Variants in LRRFIP1 observed in about 807,000 individuals in gnomAD.
LRRFIP1 encodes the protein leucine-rich repeat flightless-interacting protein 1.
A neutral mutation model predicts 104.4 loss-of-function variants in LRRFIP1; 62 were observed. The ratio of observed to expected loss-of-function variants is 0.59; its 90% CI spans 0.48 to 0.73. The LOEUF (loss-of-function observed/expected upper bound fraction) is 0.73, where lower values mean the gene tolerates loss of function less well. Ranked by LOEUF, LRRFIP1 falls within the 30% of genes least tolerant of loss-of-function variation. LRRFIP1 has a pLI of 0.00. For synonymous variants in LRRFIP1, 300 were observed against 299.0 expected (o/e 1.00, Z -0.03); for missense variants, 796 against 824.5 (o/e 0.97, Z 0.42).
At chr2:237,663,173 C>A (rs940663212) in intron 1 of LRRFIP1, among the ~76,000 whole-genome samples, 1 of 152,086 alleles carries the variant, frequency 6.6e-6, no homozygotes, top group African/African-American at 2.4e-5. Flanking sequence ...CTTTAGGGCT[C>A]GCCTGCCCTG....
chr2:237,734,947 G>A (rs10200187), intron 9 of LRRFIP1, among the ~76,000 whole-genome samples: 2,355 of 152,252 alleles, frequency 0.015, 63 homozygotes, highest in African/African-American at 0.053. Flanking sequence ...CAGGATGTTC[G>A]AATTATCTGC....
chr2:237,680,134 TG>T (rs2091643016), intron 1 of LRRFIP1, among the ~76,000 whole-genome samples: 1 of 152,194 alleles, frequency 6.6e-6, no homozygotes, highest in Non-Finnish European at 1.5e-5. Context: ...TTTGTGTCTG[TG>T]GGTTCCACAT....
intron 1 of LRRFIP1, among the ~76,000 whole-genome samples, chr2:237,646,041 G>T (rs2084861379): frequency 6.6e-6 from 1 of 151,894 alleles, no homozygotes; most frequent in Non-Finnish European, 1.5e-5. Flanking sequence ...AGAGCCCGTG[G>T]TAGCAGCAGC....
Position 237,708,647 on chromosome 2 carries a change from C to T in LRRFIP1, c.183+17C>T. 1.3e-6 allele frequency: 2 copies of T among 1,583,556 alleles called. No homozygotes were observed. Among genetic ancestry groups the T allele is most frequent in the Non-Finnish European group, 1.7e-6 (2 of 1,163,116 alleles). On this transcript the variant is annotated intron_variant, in intron 2 of 23. Coordinates refer to ENST00000308482, the MANE Select transcript of LRRFIP1 (RefSeq NM_001137550.2). ...CAGAAGGAGGTAACGCTTGGGGCTCCTTGTTGGGTCTTTTCACAGTGATTT... is the reference window on the plus strand; with the variant it reads ...CAGAAGGAGGTAACGCTTGGGGCTCTTTGTTGGGTCTTTTCACAGTGATTT...
At chr2:237,778,312 C>T (rs925165819) in intron 23 of LRRFIP1, among the ~76,000 whole-genome samples, 5 of 152,192 alleles carry the variant, frequency 3.3e-5, no homozygotes, top group South Asian at 2.1e-4. Context: ...TGTTTTGGGT[C>T]GAAAGCAGAG....
At chr2:237,710,122 A>G (rs2093999337) in intron 2 of LRRFIP1, among the ~76,000 whole-genome samples, 1 of 151,998 alleles carries the variant, frequency 6.6e-6, no homozygotes. Context: ...TGGCCTCCCA[A>G]AGTGCTAGGA....
chr2:237,741,222 A>G (rs2095407182), intron 11 of LRRFIP1, among the ~76,000 whole-genome samples: 1 of 152,224 alleles, frequency 6.6e-6, no homozygotes, highest in South Asian at 2.1e-4. Context: ...ACAGGAAGAT[A>G]CTCAGCTGTT....
At chr2:237,652,041 T>C (rs1318308039) in intron 1 of LRRFIP1, among the ~76,000 whole-genome samples, 1 of 152,226 alleles carries the variant, frequency 6.6e-6, no homozygotes, top group Non-Finnish European at 1.5e-5. Flanking sequence ...TGGGAGGCCC[T>C]CAGTGGTCGT....
intron 1 of LRRFIP1, among the ~76,000 whole-genome samples, chr2:237,655,151 C>A (rs1181886562): frequency 3.4e-5 from 2 of 58,670 alleles, no homozygotes; most frequent in Non-Finnish European, 7.3e-5. Flanking sequence ...CGCTCTGTCG[C>A]CCAGGCTGGA....
chr2:237,714,174 A>G, intron 2 of LRRFIP1, 85 bp from the exon 3 acceptor site: 1 of 883,038 alleles, frequency 1.1e-6, no homozygotes, highest in African/African-American at 1.7e-5. Flanking sequence ...TCATATGTCT[A>G]GTTACTTACA....
At chr2:237,728,477 T>C (rs1267737635) in intron 8 of LRRFIP1, among the ~76,000 whole-genome samples, 1 of 145,906 alleles carries the variant, frequency 6.9e-6, no homozygotes, top group East Asian at 2.0e-4. Flanking sequence ...AGGGTGCTGC[T>C]CTAGGGGGAG....
intron 1 of LRRFIP1, among the ~76,000 whole-genome samples, chr2:237,695,549 C>G (rs2093119182): frequency 6.6e-6 from 1 of 152,216 alleles, no homozygotes; most frequent in Non-Finnish European, 1.5e-5. Context: ...TTGTTTATGA[C>G]TGGTTACTCA....
intron 14 of LRRFIP1, among the ~76,000 whole-genome samples, chr2:237,752,802 AC>A (rs1262262031): frequency 6.6e-6 from 1 of 152,212 alleles, no homozygotes; most frequent in Non-Finnish European, 1.5e-5. Flanking sequence ...ATCTGAACTC[AC>A]TACTGCTCCT....
chr2:237,734,562 G>C (rs568876248), intron 9 of LRRFIP1, among the ~76,000 whole-genome samples: 1 of 152,286 alleles, frequency 6.6e-6, no homozygotes, highest in East Asian at 1.9e-4. Context: ...TTACAGGCAT[G>C]AGCCACCACA....
intron 1 of LRRFIP1, among the ~76,000 whole-genome samples, chr2:237,687,192 C>A (rs1350572384): frequency 6.6e-6 from 1 of 152,248 alleles, no homozygotes; most frequent in Non-Finnish European, 1.5e-5. Flanking sequence ...GTGCTATAAC[C>A]TCTGTGAGCC....
At chr2:237,635,452 A>G (rs1360297953) in intron 1 of LRRFIP1, among the ~76,000 whole-genome samples, 1 of 152,122 alleles carries the variant, frequency 6.6e-6, no homozygotes, top group Non-Finnish European at 1.5e-5. Context: ...GTCAAGTGCC[A>G]CTCTTCATGC....
At chr2:237,770,498 C>T (rs1165943190) in intron 20 of LRRFIP1, 2 of 156,910 alleles carry the variant, frequency 1.3e-5, no homozygotes, top group African/African-American at 4.8e-5. Flanking sequence ...TCTCTCCTAC[C>T]TCAAGAAGTA....
At chr2:237,763,336 A>G (rs765954737) in intron 19 of LRRFIP1, 17 of 1,614,206 alleles carry the variant, frequency 1.1e-5, no homozygotes, top group South Asian at 9.9e-5. Flanking sequence ...TAGACACTCA[A>G]AATGAACCCT....
At chr2:237,646,118 A>G (rs774558341) in intron 1 of LRRFIP1, among the ~76,000 whole-genome samples, 1 of 151,944 alleles carries the variant, frequency 6.6e-6, no homozygotes, top group Non-Finnish European at 1.5e-5. Flanking sequence ...TTTTTAACAT[A>G]TTTATTTAAA....
Sources: gnomAD v4.1 joint callset for allele counts (sites outside exome capture counted in the v4.1 genomes callset) on GRCh38, gnomAD v4.1.1 for gene constraint, MANE v1.5 for transcripts, NCBI Gene and HGNC (gene_info 2026-07-23, HGNC 2026-07-21) for gene names.